The following DCC variants were observed in gnomAD, a reference collection of about 807,000 sequenced individuals.
DCC encodes netrin receptor DCC.
A neutral mutation model predicts 172.5 loss-of-function variants in DCC; 58 were observed. That is an observed-to-expected ratio of 0.34 (90% CI 0.27 to 0.42). The LOEUF (loss-of-function observed/expected upper bound fraction) is 0.42, where lower values mean the gene tolerates loss of function less well. DCC is among the 10% of genes least tolerant of loss of function. DCC has a pLI of 1.00. For synonymous variants in DCC, 709 were observed against 644.5 expected (o/e 1.10, Z -1.52); for missense variants, 1,740 against 1,791.0 (o/e 0.97, Z 0.51).
intron 12 of DCC, among the ~76,000 whole-genome samples, chr18:53,249,687 G>T (rs2144655209): frequency 6.6e-6 from 1 of 151,982 alleles, no homozygotes; most frequent in South Asian, 2.1e-4. Flanking sequence ...ACAGTAGAAA[G>T]AAATGTGTTC....
At chr18:53,288,121 AC>A (rs2056957699) in intron 12 of DCC, among the ~76,000 whole-genome samples, 1 of 152,104 alleles carries the variant, frequency 6.6e-6, no homozygotes, top group Non-Finnish European at 1.5e-5. Flanking sequence ...TTTTAGAAAA[AC>A]TGTGTTTGGA....
intron 7 of DCC, among the ~76,000 whole-genome samples, chr18:53,080,475 G>C (rs112148502): frequency 1.3e-5 from 2 of 152,200 alleles, no homozygotes; most frequent in Non-Finnish European, 2.9e-5. Flanking sequence ...GATAATGCCA[G>C]GTATAAACTA....
intron 1 of DCC, among the ~76,000 whole-genome samples, chr18:52,599,230 C>A (rs2033968639): frequency 6.6e-6 from 1 of 152,080 alleles, no homozygotes; most frequent in African/African-American, 2.4e-5. Context: ...TGTCTTAGAA[C>A]TGATAGTCAT....
intron 1 of DCC, among the ~76,000 whole-genome samples, chr18:52,481,227 G>A (rs1486392812): frequency 6.6e-6 from 1 of 152,168 alleles, no homozygotes; most frequent in African/African-American, 2.4e-5. Flanking sequence ...GGAGTGAAGT[G>A]TTGACACAAG....
At chr18:52,842,160 T>C (rs1381631040) in intron 2 of DCC, among the ~76,000 whole-genome samples, 2 of 152,178 alleles carry the variant, frequency 1.3e-5, no homozygotes, top group Admixed American at 1.3e-4. Context: ...TACCATTGCT[T>C]CCTTTCAAAC....
chr18:53,333,023 T>C (rs1186303504), intron 14 of DCC, among the ~76,000 whole-genome samples: 1 of 151,458 alleles, frequency 6.6e-6, no homozygotes. Context: ...TGAGCTAGCA[T>C]TGCGCTACTG....
At chr18:53,100,977 G>T (rs1226365318) in intron 7 of DCC, among the ~76,000 whole-genome samples, 2 of 151,936 alleles carry the variant, frequency 1.3e-5, no homozygotes, top group Non-Finnish European at 2.9e-5. Flanking sequence ...CATGGGGGAG[G>T]AAGACATGCA....
At chr18:52,774,133 C>T (rs1194757479) in intron 2 of DCC, among the ~76,000 whole-genome samples, 1 of 152,210 alleles carries the variant, frequency 6.6e-6, no homozygotes, top group Non-Finnish European at 1.5e-5. Flanking sequence ...GGTCCCTGAT[C>T]AGCTGCATCA....
At chr18:52,493,358 A>C (rs1384283297) in intron 1 of DCC, among the ~76,000 whole-genome samples, 1 of 152,068 alleles carries the variant, frequency 6.6e-6, no homozygotes, top group Admixed American at 6.6e-5. Flanking sequence ...TTTCAATAAA[A>C]AGCACTAGTC....
intron 1 of DCC, among the ~76,000 whole-genome samples, chr18:52,617,594 T>C (rs1335701216): frequency 6.7e-6 from 1 of 149,038 alleles, no homozygotes; most frequent in Non-Finnish European, 1.5e-5. Context: ...TGACCATATC[T>C]TGGAGACAAC....
At chr18:52,762,464 C>A (rs1411989899) in intron 2 of DCC, among the ~76,000 whole-genome samples, 3 of 135,466 alleles carry the variant, frequency 2.2e-5, no homozygotes, top group African/African-American at 8.7e-5. Flanking sequence ...CAGAGTGAGA[C>A]CTTATCTCAA....
chr18:53,130,491 C>T (rs1489550052), intron 7 of DCC, among the ~76,000 whole-genome samples: 2 of 152,066 alleles, frequency 1.3e-5, no homozygotes, highest in African/African-American at 4.8e-5. Context: ...GATTTGTTGT[C>T]TCCAAGTCTA....
At chr18:52,644,452 G>A (rs1021532024) in intron 1 of DCC, among the ~76,000 whole-genome samples, 2 of 152,002 alleles carry the variant, frequency 1.3e-5, no homozygotes, top group African/African-American at 4.8e-5. Context: ...GGTGGCAGGA[G>A]CCTGTAGTCC....
chr18:53,328,468 GTTC>G (rs2057493104), intron 14 of DCC, among the ~76,000 whole-genome samples: 1 of 151,020 alleles, frequency 6.6e-6, no homozygotes, highest in Non-Finnish European at 1.5e-5. Context: ...ACAGTGTGTT[GTTC>G]TTCTGATTTT....
chr18:53,281,063 A>G lies in DCC; in HGVS notation c.1912-24515A>G, dbSNP rs561949501. On this transcript the variant is annotated intron_variant, in intron 12 of 28. Transcript: ENST00000442544. ...AATTCTTTTGGAATAAGTAGGGGTT[A>G]TTTTGGAAGATGCTCAGAATCTTGA... 2.6e-5 allele frequency among the ~76,000 whole-genome samples: 4 copies of G among 152,236 alleles called. No homozygotes were observed. The South Asian group carries it at 8.3e-4, about 32-fold the overall frequency.
intron 1 of DCC, among the ~76,000 whole-genome samples, chr18:52,721,383 C>T (rs2036472053): frequency 1.3e-5 from 2 of 152,136 alleles, no homozygotes; most frequent in Non-Finnish European, 2.9e-5. Context: ...ATATTATAAA[C>T]AAACTTTGAC....
intron 1 of DCC, among the ~76,000 whole-genome samples, chr18:52,431,785 G>A (rs377684119): frequency 7.9e-5 from 12 of 152,234 alleles, no homozygotes; most frequent in African/African-American, 2.6e-4. Context: ...CACTTATCAA[G>A]TGTCTCACCA....
In DCC at chr18:53,304,026, A is replaced by G. The variant is rs138920106; in HGVS notation, c.1912-1552A>G. On this transcript the variant is annotated intron_variant, in intron 12 of 28. Transcript: ENST00000442544. Reference sequence around the variant, plus strand: ...GCTGATCTCCTACCCGACTATCCCCAGCTGAACTCCTCTCGATGTTCAGAT... The same window carrying G: ...GCTGATCTCCTACCCGACTATCCCCGGCTGAACTCCTCTCGATGTTCAGAT... Among the ~76,000 whole-genome samples, 45 of 152,138 alleles carry G rather than the reference A, an allele frequency of 3.0e-4. No individual in the cohort carries two copies. The East Asian group carries it at 8.7e-3, about 29-fold the overall frequency.
At chr18:52,508,275 T>C (rs1421747429) in intron 1 of DCC, among the ~76,000 whole-genome samples, 1 of 152,168 alleles carries the variant, frequency 6.6e-6, no homozygotes, top group Admixed American at 6.5e-5. Flanking sequence ...CTTGTTTTAG[T>C]GTAGTTATAG....
Sources: gnomAD v4.1 joint callset for allele counts (sites outside exome capture counted in the v4.1 genomes callset) on GRCh38, gnomAD v4.1.1 for gene constraint, MANE v1.5 for transcripts, NCBI Gene and HGNC (gene_info 2026-07-23, HGNC 2026-07-21) for gene names.